Variants in ROR2 observed in about 807,000 individuals in gnomAD.
The protein encoded by ROR2 is tyrosine-protein kinase transmembrane receptor ROR2.
In ROR2, 33 loss-of-function variants were observed where a neutral mutation model predicts 74.9. That is an observed-to-expected ratio of 0.44 (90% CI 0.33 to 0.59). The LOEUF is 0.59. ROR2 is among the 20% of genes least tolerant of loss of function. ROR2 has a pLI of 0.02. For synonymous variants in ROR2, 586 were observed against 558.7 expected, an observed-to-expected ratio of 1.05 and a Z score of -0.69; for missense variants, 1,216 against 1,313.8, an observed-to-expected ratio of 0.93 and a Z score of 1.15.
intron 1 of ROR2, among the ~76,000 whole-genome samples, chr9:91,823,767 G>A (rs1348506581): frequency 6.6e-6 from 1 of 152,250 alleles, no homozygotes; most frequent in East Asian, 1.9e-4. Flanking sequence ...GAAGGAATAA[G>A]GAGGCCCACA....
chr9:91,924,795 A>T (rs972603582), intron 1 of ROR2, among the ~76,000 whole-genome samples: 1 of 151,748 alleles, frequency 6.6e-6, no homozygotes, highest in Non-Finnish European at 1.5e-5. Context: ...AAAAAAAAAA[A>T]TTCTGATTCA....
intron 4 of ROR2, among the ~76,000 whole-genome samples, chr9:91,746,222 A>AT (rs1825409632): frequency 6.6e-6 from 1 of 151,972 alleles, no homozygotes; most frequent in South Asian, 2.1e-4. Context: ...GATTACAGGC[A>AT]CGCACCACCA....
intron 1 of ROR2, among the ~76,000 whole-genome samples, chr9:91,917,613 C>T (rs558670350): frequency 6.6e-6 from 1 of 152,318 alleles, no homozygotes; most frequent in East Asian, 1.9e-4. Context: ...CTCCCCACAG[C>T]GGGCACAGAT....
intron 4 of ROR2, among the ~76,000 whole-genome samples, chr9:91,747,062 C>T (rs1825445245): frequency 6.6e-6 from 1 of 152,110 alleles, no homozygotes; most frequent in Non-Finnish European, 1.5e-5. Flanking sequence ...CTAAATGTGC[C>T]ACGTTTCAGC....
chr9:91,768,700 C>T (rs755769346), intron 2 of ROR2, among the ~76,000 whole-genome samples: 1 of 152,194 alleles, frequency 6.6e-6, no homozygotes, highest in Non-Finnish European at 1.5e-5. Flanking sequence ...CAGAAATCAG[C>T]CTCATCGATG....
At chr9:91,944,924 C>T (rs1004356256) in intron 1 of ROR2, among the ~76,000 whole-genome samples, 1 of 151,940 alleles carries the variant, frequency 6.6e-6, no homozygotes, top group Non-Finnish European at 1.5e-5. Flanking sequence ...GGCACGGTAG[C>T]GCGTGCCTGT....
At chr9:91,920,173 G>T (rs916954386) in intron 1 of ROR2, among the ~76,000 whole-genome samples, 1 of 152,120 alleles carries the variant, frequency 6.6e-6, no homozygotes, top group Non-Finnish European at 1.5e-5. Flanking sequence ...AATTTAAAAA[G>T]CATTTTTACT....
At chr9:91,802,073 T>G (rs927882874) in intron 1 of ROR2, among the ~76,000 whole-genome samples, 14 of 131,840 alleles carry the variant, frequency 1.1e-4, no homozygotes, top group African/African-American at 1.2e-4. Flanking sequence ...AGGTGTTTTT[T>G]TTTTTTTTTT....
intron 1 of ROR2, among the ~76,000 whole-genome samples, chr9:91,814,809 C>T (rs1257409678): frequency 6.6e-6 from 1 of 152,210 alleles, no homozygotes; most frequent in Non-Finnish European, 1.5e-5. Flanking sequence ...TGAAGTAACA[C>T]ACACCTCCGG....
intron 1 of ROR2, among the ~76,000 whole-genome samples, chr9:91,888,592 T>C (rs752654081): frequency 2.6e-5 from 4 of 152,242 alleles, no homozygotes; most frequent in Non-Finnish European, 5.9e-5. Flanking sequence ...CGATTGAAGC[T>C]GTAATCAACA....
At position 91,754,642 on chromosome 9, in the gene ROR2, G is replaced by A. The variant is rs1054478693; in HGVS notation, c.494+1429C>T. Among the ~76,000 whole-genome samples, 4 of 152,006 alleles carry A rather than the reference G, an allele frequency of 2.6e-5. No homozygotes were observed. In the South Asian group the frequency reaches 6.3e-4, roughly 24 times the overall value. On this transcript the variant is annotated intron_variant, in intron 4 of 8. Coordinates refer to ENST00000375708, the MANE Select transcript of ROR2 (RefSeq NM_004560.4). ...TGCACTCCAGCCTGGGTGACAGGGC[G>A]AGACTCTGTCTCAAAAAATAAAATA...
intron 4 of ROR2, among the ~76,000 whole-genome samples, chr9:91,749,831 A>G (rs1056306625): frequency 1.3e-5 from 2 of 152,222 alleles, no homozygotes; most frequent in African/African-American, 4.8e-5. Flanking sequence ...TAAATTCTAG[A>G]TGGAGTAATA....
intron 1 of ROR2, among the ~76,000 whole-genome samples, chr9:91,849,036 A>G (rs950694742): frequency 9.2e-5 from 14 of 152,032 alleles, no homozygotes; most frequent in African/African-American, 2.9e-4. Context: ...CACAGCGACC[A>G]CCCTCCATCA....
chr9:91,830,857 G>C (rs546771858), intron 1 of ROR2, among the ~76,000 whole-genome samples: 3 of 124,250 alleles, frequency 2.4e-5, no homozygotes, highest in East Asian at 4.7e-4. Flanking sequence ...TGTGTGTGTA[G>C]AGAAACTCAA....
At chr9:91,867,656 C>CTGTGTGTGTGTGTGTGTGTGTGTGTGTG (rs57475950) in intron 1 of ROR2, among the ~76,000 whole-genome samples, 1 of 131,288 alleles carries the variant, frequency 7.6e-6, no homozygotes, top group African/African-American at 2.9e-5. Flanking sequence ...CACCCATGAG[C>CTGTGTGTGTGTGTGTGTGTGTGTGTGTG]TGTGTGTGTG....
intron 2 of ROR2, 79 bp downstream of exon 2, chr9:91,775,662 T>C (rs1826393205): frequency 2.2e-6 from 3 of 1,393,592 alleles, no homozygotes; most frequent in Non-Finnish European, 3.1e-6. Flanking sequence ...GCGCCTTCCT[T>C]CAGGCAATGG....
chr9:91,929,974 C>T (rs974587562), intron 1 of ROR2, among the ~76,000 whole-genome samples: 4 of 152,060 alleles, frequency 2.6e-5, no homozygotes, highest in Non-Finnish European at 5.9e-5. Flanking sequence ...GATCTGTGTC[C>T]TACTGCAGTG....
intron 4 of ROR2, among the ~76,000 whole-genome samples, chr9:91,752,170 G>T (rs539831842): frequency 6.6e-6 from 1 of 152,162 alleles, no homozygotes. Context: ...TTCAGGAGAA[G>T]GCCCAGGAAT....
At chr9:91,758,695 C>T (rs1349091084) in intron 2 of ROR2, among the ~76,000 whole-genome samples, 3 of 152,290 alleles carry the variant, frequency 2.0e-5, no homozygotes, top group Non-Finnish European at 1.5e-5. Flanking sequence ...GAGCCCAGTA[C>T]AGCCACAGGC....
Sources: gnomAD v4.1 joint callset for allele counts (sites outside exome capture counted in the v4.1 genomes callset) on GRCh38, gnomAD v4.1.1 for gene constraint, MANE v1.5 for transcripts, NCBI Gene and HGNC (gene_info 2026-07-23, HGNC 2026-07-21) for gene names.